Variants in PTK2 observed in about 807,000 individuals in gnomAD.
PTK2 encodes the protein protein tyrosine kinase 2, also known as focal adhesion kinase 1.
A neutral mutation model predicts 150.1 loss-of-function variants in PTK2; 45 were observed. The ratio of observed to expected loss-of-function variants is 0.30; its 90% confidence interval spans 0.24 to 0.38. The LOEUF (loss-of-function observed/expected upper bound fraction) is 0.38, where lower values mean the gene tolerates loss of function less well. PTK2 is among the 10% of genes least tolerant of loss of function. PTK2 has a pLI of 1.00. For synonymous variants in PTK2, 432 were observed against 449.2 expected (o/e 0.96, Z 0.48); for missense variants, 919 against 1,307.3 (o/e 0.70, Z 4.58).
chr8:140,660,737 C>A (rs149695996), intron 31 of PTK2: 1 of 400,896 alleles, frequency 2.5e-6, no homozygotes, highest in African/African-American at 2.0e-5. Context: ...CGCCCCTCCC[C>A]CCGCACACAT....
At chr8:140,843,199 G>A (rs1327488860) in intron 7 of PTK2, among the ~76,000 whole-genome samples, 1 of 152,088 alleles carries the variant, frequency 6.6e-6, no homozygotes, top group Non-Finnish European at 1.5e-5. Context: ...AACAGATCTT[G>A]AACTTAAAAT....
chr8:140,881,640 G>A (rs576260861), intron 3 of PTK2, among the ~76,000 whole-genome samples: 1 of 152,200 alleles, frequency 6.6e-6, no homozygotes, highest in Non-Finnish European at 1.5e-5. Flanking sequence ...ATAACCTGAT[G>A]TTGAATATAA....
rs183222452 is a variant in PTK2, at chr8:140,743,408, A to C, written c.1635-78T>G. The C allele has an allele frequency of 9.3e-5, 101 of 1,087,276 alleles. No homozygotes were observed. The African/African-American group carries it at 1.5e-3, about 16-fold the overall frequency. The allele number at this position is 1,087,276 out of a possible 1,614,324, so 67.4% of individuals were successfully genotyped here. A position where few individuals can be genotyped will look rare whatever the true frequency, so the allele number is the denominator to read the frequency against. On this transcript the variant is annotated intron_variant, in intron 19 of 31. Transcript: ENST00000522684. Reference sequence around the variant, plus strand: ...ACAAGCTCATATATAAAGACATACCAATAGGCACTTTGAAAGACAGCTTAT... The same window carrying C: ...ACAAGCTCATATATAAAGACATACCCATAGGCACTTTGAAAGACAGCTTAT...
intron 26 of PTK2, among the ~76,000 whole-genome samples, chr8:140,694,556 C>T (rs1490151398): frequency 6.6e-6 from 1 of 152,142 alleles, no homozygotes; most frequent in Non-Finnish European, 1.5e-5. Context: ...CTTGGCCTAA[C>T]AGGAGAGAAA....
intron 5 of PTK2, among the ~76,000 whole-genome samples, chr8:140,850,574 A>G (rs2100128621): frequency 6.6e-6 from 1 of 151,664 alleles, no homozygotes; most frequent in Non-Finnish European, 1.5e-5. Context: ...AAAAAAAAAA[A>G]AAAAAATTAT....
At chr8:140,959,557 A>T (rs1477832377) in intron 1 of PTK2, among the ~76,000 whole-genome samples, 1 of 150,986 alleles carries the variant, frequency 6.6e-6, no homozygotes, top group African/African-American at 2.4e-5. Flanking sequence ...AAAAAAAAAA[A>T]AGTAGTGTAA....
At chr8:140,688,255 C>T (rs923594582) in intron 26 of PTK2, among the ~76,000 whole-genome samples, 12 of 152,148 alleles carry the variant, frequency 7.9e-5, no homozygotes, top group Admixed American at 5.2e-4. Context: ...TGTATATCAG[C>T]CCCATATCCC....
intron 10 of PTK2, among the ~76,000 whole-genome samples, chr8:140,815,404 G>A (rs1171917236): frequency 1.3e-5 from 2 of 151,988 alleles, no homozygotes; most frequent in Non-Finnish European, 1.5e-5. Flanking sequence ...CAGACACTGG[G>A]GCCTACCAGA....
At chr8:140,743,088 T>C (rs918583721) in intron 20 of PTK2, 142 bp downstream of exon 23, 10 of 583,350 alleles carry the variant, frequency 1.7e-5, no homozygotes, top group African/African-American at 5.6e-5. Flanking sequence ...TCCAGCACCA[T>C]TGCTGAGAAG....
At chr8:140,874,019 C>T (rs983829402) in intron 4 of PTK2, among the ~76,000 whole-genome samples, 3 of 152,118 alleles carry the variant, frequency 2.0e-5, no homozygotes, top group Non-Finnish European at 4.4e-5. Context: ...TATTTTTTTA[C>T]AGTTTTGCAT....
chr8:140,703,539 G>A (rs1205105871), intron 24 of PTK2, among the ~76,000 whole-genome samples: 1 of 152,164 alleles, frequency 6.6e-6, no homozygotes, highest in South Asian at 2.1e-4. Flanking sequence ...AAAAATGTCT[G>A]TGCCATACTT....
chr8:140,867,409 T>G (rs912302435), intron 4 of PTK2, among the ~76,000 whole-genome samples: 3 of 152,150 alleles, frequency 2.0e-5, no homozygotes, highest in African/African-American at 4.8e-5. Flanking sequence ...GGCATGGGAT[T>G]CCTCTCCAGC....
Position 140,686,704 on chromosome 8 carries a change from T to C in PTK2, c.2500-10A>G. On this transcript the variant is annotated splice_polypyrimidine_tract_variant and intron_variant, in intron 26 of 31. Transcript: ENST00000522684. ...GTCTCACATCAGGTTTCTGAAGAAATTAAAACAAAATCAAAACAATTTCAT... is the reference window on the plus strand; with the variant it reads ...GTCTCACATCAGGTTTCTGAAGAAACTAAAACAAAATCAAAACAATTTCAT... 6.2e-7 allele frequency: 1 copy of C among 1,609,520 alleles called. No homozygotes were observed. Among genetic ancestry groups the C allele is most frequent in the South Asian group, 1.1e-5 (1 of 90,736 alleles).
At chr8:140,834,747 C>T (rs992043420) in intron 7 of PTK2, among the ~76,000 whole-genome samples, 1 of 152,156 alleles carries the variant, frequency 6.6e-6, no homozygotes, top group African/African-American at 2.4e-5. Flanking sequence ...ACTTAGCCAT[C>T]GAGATTTAAG....
intron 2 of PTK2, among the ~76,000 whole-genome samples, chr8:140,907,498 A>G (rs1360634457): frequency 2.0e-5 from 3 of 152,152 alleles, no homozygotes; most frequent in South Asian, 2.1e-4. Flanking sequence ...CTAGCCCTGT[A>G]TAATTTGCCT....
At chr8:140,717,778 G>A in intron 22 of PTK2, 69 bp from the exon 26 acceptor site, 1 of 1,239,288 alleles carries the variant, frequency 8.1e-7, no homozygotes, top group Admixed American at 1.7e-5. Flanking sequence ...ACCCCACCCT[G>A]AGTTATCTAA....
At chr8:140,903,198 G>A (rs986048835) in intron 2 of PTK2, among the ~76,000 whole-genome samples, 1 of 151,922 alleles carries the variant, frequency 6.6e-6, no homozygotes, top group Non-Finnish European at 1.5e-5. Context: ...TTCTACATAT[G>A]GCTAGCCAGT....
chr8:140,861,220 G>A (rs1011655209), intron 5 of PTK2, among the ~76,000 whole-genome samples: 5 of 152,030 alleles, frequency 3.3e-5, no homozygotes, highest in African/African-American at 9.7e-5. Context: ...ATCATGGCAC[G>A]CACCTGTAGT....
At chr8:140,891,052 C>G (rs372930419) in intron 2 of PTK2, among the ~76,000 whole-genome samples, 4 of 144,714 alleles carry the variant, frequency 2.8e-5, no homozygotes, top group East Asian at 2.0e-4. Flanking sequence ...CAATGTAATA[C>G]CCCCACCCCC....
Sources: gnomAD v4.1 joint callset for allele counts (sites outside exome capture counted in the v4.1 genomes callset) on GRCh38, gnomAD v4.1.1 for gene constraint, MANE v1.5 for transcripts, NCBI Gene and HGNC (gene_info 2026-07-23, HGNC 2026-07-21) for gene names.